STXBP5L: variants seen among roughly 807,000 people sequenced by gnomAD.
STXBP5L encodes syntaxin-binding protein 5-like.
A neutral mutation model predicts 144.5 loss-of-function variants in STXBP5L; 65 were observed. That is an observed-to-expected ratio of 0.45 (90% CI 0.37 to 0.55). The LOEUF is 0.55. STXBP5L is among the 20% of genes least tolerant of loss of function. The probability of loss-of-function intolerance (pLI) is 0.00; values close to 1 mark genes in which losing one functional copy is unlikely to be tolerated. For missense variants in STXBP5L, 1,298 were observed against 1,405.5 expected, an observed-to-expected ratio of 0.92 and a Z score of 1.22; for synonymous variants, 505 against 469.6, an observed-to-expected ratio of 1.08 and a Z score of -0.97.
At chr3:121,209,841 A>G (rs1278436736) in intron 10 of STXBP5L, among the ~76,000 whole-genome samples, 1 of 152,248 alleles carries the variant, frequency 6.6e-6, no homozygotes, top group Non-Finnish European at 1.5e-5. Flanking sequence ...ACTGATGGAC[A>G]TTTGGGTTGG....
chr3:121,094,033 A>T (rs979785452), intron 5 of STXBP5L, among the ~76,000 whole-genome samples: 5 of 152,130 alleles, frequency 3.3e-5, no homozygotes, highest in African/African-American at 1.2e-4. Context: ...TTATGTGCCC[A>T]GTAGTCATTC....
At chr3:120,987,697 C>T (rs1942423033) in intron 3 of STXBP5L, among the ~76,000 whole-genome samples, 1 of 151,458 alleles carries the variant, frequency 6.6e-6, no homozygotes, top group Non-Finnish European at 1.5e-5. Context: ...ATGATTTTTT[C>T]CTTTTTTTAA....
intron 7 of STXBP5L, among the ~76,000 whole-genome samples, chr3:121,136,217 G>T (rs1274572859): frequency 6.6e-6 from 1 of 152,152 alleles, no homozygotes; most frequent in African/African-American, 2.4e-5. Flanking sequence ...CATTCACTTG[G>T]CGAAGGAAAG....
chr3:121,024,094 AAT>A (rs1945754362), intron 3 of STXBP5L, among the ~76,000 whole-genome samples: 1 of 152,160 alleles, frequency 6.6e-6, no homozygotes, highest in Non-Finnish European at 1.5e-5. Flanking sequence ...GAAAAATAAA[AAT>A]TGCCCTGCGA....
At chr3:121,028,593 T>C (rs1413586019) in intron 3 of STXBP5L, among the ~76,000 whole-genome samples, 1 of 152,152 alleles carries the variant, frequency 6.6e-6, no homozygotes, top group Non-Finnish European at 1.5e-5. Flanking sequence ...AAATATTGCT[T>C]CATTTATATT....
At chr3:120,971,782 A>G (rs201206045) in intron 3 of STXBP5L, among the ~76,000 whole-genome samples, 2 of 42,250 alleles carry the variant, frequency 4.7e-5, no homozygotes, top group Non-Finnish European at 9.4e-5. Context: ...ATGTGTATGT[A>G]TATATATATA....
chr3:121,394,133 A>G (rs151308924), intron 22 of STXBP5L, among the ~76,000 whole-genome samples: 3 of 152,200 alleles, frequency 2.0e-5, no homozygotes, highest in Admixed American at 6.5e-5. Context: ...CCGTGTAGCA[A>G]TCTTTCACCT....
At chr3:121,138,566 G>A (rs2045361320) in intron 7 of STXBP5L, among the ~76,000 whole-genome samples, 1 of 151,944 alleles carries the variant, frequency 6.6e-6, no homozygotes, top group Admixed American at 6.6e-5. Flanking sequence ...AGATACATAG[G>A]CTGATGGAAC....
chr3:121,220,221 A>G (rs2048933015), intron 10 of STXBP5L, among the ~76,000 whole-genome samples: 1 of 152,094 alleles, frequency 6.6e-6, no homozygotes, highest in African/African-American at 2.4e-5. Context: ...AAGTGGTTAT[A>G]TATTATGTAA....
At chr3:121,308,963 T>G (rs1372702455) in intron 19 of STXBP5L, among the ~76,000 whole-genome samples, 1 of 152,060 alleles carries the variant, frequency 6.6e-6, no homozygotes, top group Non-Finnish European at 1.5e-5. Context: ...TACAGTAAGT[T>G]CTAATGTATA....
chr3:121,029,973 A>G (rs568999706), intron 3 of STXBP5L, among the ~76,000 whole-genome samples: 1 of 152,306 alleles, frequency 6.6e-6, no homozygotes, highest in African/African-American at 2.4e-5. Flanking sequence ...CAAAACTACA[A>G]TGAGATACCA....
At chr3:121,242,090 C>T (rs1482721465) in intron 14 of STXBP5L, among the ~76,000 whole-genome samples, 4 of 152,028 alleles carry the variant, frequency 2.6e-5, no homozygotes, top group African/African-American at 7.2e-5. Context: ...TCTATCATTT[C>T]CAGATGCAAT....
intron 20 of STXBP5L, among the ~76,000 whole-genome samples, chr3:121,342,612 T>C (rs1392487709): frequency 6.6e-6 from 1 of 151,636 alleles, no homozygotes; most frequent in Non-Finnish European, 1.5e-5. Context: ...TTTTTTGTTC[T>C]TGTGATAGTT....
At chr3:120,968,873 A>G (rs1939908834) in intron 3 of STXBP5L, among the ~76,000 whole-genome samples, 1 of 152,148 alleles carries the variant, frequency 6.6e-6, no homozygotes, top group Non-Finnish European at 1.5e-5. Context: ...TGCAAGAGGC[A>G]TTATGTCATT....
rs116457880 is a variant in STXBP5L at position 121,271,337 on chromosome 3, C to G, written c.1959-8468C>G. Among the ~76,000 whole-genome samples the G allele has an allele frequency of 3.9e-3, 594 of 152,222 alleles. 2 individuals carry two copies. The highest frequency in any genetic ancestry group is 3.7e-3 in the Non-Finnish European group (252 of 68,002). ...ACCCCATCAAAATGGCTTCTATGTC[C>G]TTTTGATATGTTCCCATCGTTTTTT... On this transcript the variant is annotated intron_variant, in intron 18 of 26. Coordinates refer to ENST00000471454, the MANE Select transcript of STXBP5L (RefSeq NM_001308330.2).
At chr3:121,329,510 A>C (rs1220888935) in intron 20 of STXBP5L, among the ~76,000 whole-genome samples, 2 of 152,180 alleles carry the variant, frequency 1.3e-5, no homozygotes, top group Non-Finnish European at 2.9e-5. Flanking sequence ...CCAAATTAGA[A>C]TTTTTTTATA....
chr3:121,041,017 A>G (rs1402629450), intron 3 of STXBP5L, among the ~76,000 whole-genome samples: 1 of 152,094 alleles, frequency 6.6e-6, no homozygotes, highest in Non-Finnish European at 1.5e-5. Flanking sequence ...ATCATTTGGT[A>G]TAGAATATGT....
At chr3:121,402,190 G>C (rs945247340) in intron 22 of STXBP5L, among the ~76,000 whole-genome samples, 1 of 152,110 alleles carries the variant, frequency 6.6e-6, no homozygotes, top group Non-Finnish European at 1.5e-5. Flanking sequence ...TGTTTATTGA[G>C]CACATGACAT....
At chr3:120,960,404 A>G (rs1452796148) in intron 3 of STXBP5L, among the ~76,000 whole-genome samples, 3 of 152,216 alleles carry the variant, frequency 2.0e-5, no homozygotes, top group African/African-American at 7.2e-5. Context: ...CCATCCCATT[A>G]CGGGGTATAT....
Sources: allele counts gnomAD v4.1 joint callset (sites outside exome capture counted in the v4.1 genomes callset), GRCh38; gene constraint gnomAD v4.1.1; transcripts MANE v1.5; gene names NCBI Gene and HGNC (gene_info 2026-07-23, HGNC 2026-07-21).